Variants in DPP6 observed in about 807,000 individuals in gnomAD.
DPP6 encodes A-type potassium channel modulatory protein DPP6.
In DPP6, 69 loss-of-function variants were observed where a neutral mutation model predicts 122.6. The ratio of observed to expected loss-of-function variants is 0.56; its 90% CI spans 0.46 to 0.69. The LOEUF (loss-of-function observed/expected upper bound fraction) is 0.69, where lower values mean the gene tolerates loss of function less well. Ranked by LOEUF, DPP6 falls within the 30% of genes least tolerant of loss-of-function variation. DPP6 has a pLI of 0.00. For missense variants in DPP6, 928 were observed against 1,116.9 expected, an observed-to-expected ratio of 0.83 and a Z score of 2.41; for synonymous variants, 418 against 433.1, an observed-to-expected ratio of 0.97 and a Z score of 0.43.
At chr7:154,261,377 C>G in intron 1 of DPP6, among the ~76,000 whole-genome samples, 1 of 152,176 alleles carries the variant, frequency 6.6e-6, no homozygotes. Flanking sequence ...TCACCTTATA[C>G]AGAAATCAAT....
the DPP6 span, among the ~76,000 whole-genome samples, chr7:153,846,620 T>A: frequency 6.6e-6 from 1 of 151,952 alleles, no homozygotes; most frequent in Admixed American, 6.6e-5. Flanking sequence ...TCTATTCTTC[T>A]TCTGCAATTC....
chr7:154,499,565 A>T (rs774851709), intron 3 of DPP6, among the ~76,000 whole-genome samples: 1 of 152,140 alleles, frequency 6.6e-6, no homozygotes. Context: ...ATATTTTTTA[A>T]TGTTTTATAG....
chr7:154,314,467 CT>C (rs1249740587), intron 1 of DPP6, among the ~76,000 whole-genome samples: 2 of 152,190 alleles, frequency 1.3e-5, no homozygotes, highest in African/African-American at 2.4e-5. Flanking sequence ...CTTATAGCCC[CT>C]CTTGCCCAGT....
At chr7:154,202,815 A>T (rs563958945) in intron 1 of DPP6, among the ~76,000 whole-genome samples, 1 of 152,158 alleles carries the variant, frequency 6.6e-6, no homozygotes, top group Non-Finnish European at 1.5e-5. Context: ...CAAATAACAA[A>T]GGCATTTTGT....
intron 1 of DPP6, among the ~76,000 whole-genome samples, chr7:154,359,187 C>G (rs1004678358): frequency 6.6e-6 from 1 of 152,186 alleles, no homozygotes; most frequent in African/African-American, 2.4e-5. Flanking sequence ...CACTCTGGGA[C>G]AAGCCCCCTG....
intron 1 of DPP6, among the ~76,000 whole-genome samples, chr7:153,979,010 T>C (rs1228749040): frequency 6.6e-6 from 1 of 152,104 alleles, no homozygotes; most frequent in Non-Finnish European, 1.5e-5. Context: ...TGCTTAGGAT[T>C]GTCTTGGCTA....
intron 21 of DPP6, chr7:154,884,254 A>G (rs1351452278): frequency 1.3e-5 from 2 of 149,638 alleles, no homozygotes; most frequent in African/African-American, 5.0e-5. Flanking sequence ...CACAAATTAC[A>G]TACACATGCT....
At chr7:154,137,918 C>T (rs1795658588) in intron 1 of DPP6, among the ~76,000 whole-genome samples, 1 of 152,126 alleles carries the variant, frequency 6.6e-6, no homozygotes, top group Non-Finnish European at 1.5e-5. Flanking sequence ...GCCACCCTTG[C>T]CTCAACTCAT....
At chr7:154,073,006 A>G (rs1267318660) in intron 1 of DPP6, among the ~76,000 whole-genome samples, 3 of 152,192 alleles carry the variant, frequency 2.0e-5, no homozygotes, top group Non-Finnish European at 4.4e-5. Flanking sequence ...TCCAGGGTTC[A>G]TCCACCCTCC....
rs1162220684 is a variant in DPP6, at chr7:154,607,561, CAAAAAA to C, written c.628-30238_628-30233del. ...TGGGCGACAGAGCAAGACTCTGTCT[CAAAAAA>C]AAAAAAAAAAAAAAAAAAAAAGGAA... On this transcript the variant is annotated intron_variant, in intron 5 of 25. Transcript: ENST00000377770. Among the ~76,000 whole-genome samples, 77 of 22,378 alleles carry C rather than the reference CAAAAAA, an allele frequency of 3.4e-3. 1 individual carries two copies. The highest frequency in any genetic ancestry group is 0.01 in the African/African-American group (71 of 6,952). The allele number at this position is 22,378 out of a possible 152,430, so 14.7% of individuals were successfully genotyped here.
At chr7:154,218,450 C>T (rs1800125923) in intron 1 of DPP6, among the ~76,000 whole-genome samples, 2 of 152,148 alleles carry the variant, frequency 1.3e-5, no homozygotes, top group South Asian at 2.1e-4. Context: ...CTGCACATGT[C>T]GTTGTCACCT....
At chr7:153,924,355 C>T (rs1800790395) in intron 1 of DPP6, among the ~76,000 whole-genome samples, 1 of 152,142 alleles carries the variant, frequency 6.6e-6, no homozygotes, top group African/African-American at 2.4e-5. Context: ...GATCTGCCTG[C>T]CTCAGCCTCC....
intron 1 of DPP6, among the ~76,000 whole-genome samples, chr7:154,244,623 A>G (rs1392078341): frequency 6.6e-6 from 1 of 152,174 alleles, no homozygotes; most frequent in Non-Finnish European, 1.5e-5. Flanking sequence ...TTGATATAAT[A>G]TTGACTGTAT....
At chr7:154,406,284 T>C (rs1306825366) in intron 1 of DPP6, among the ~76,000 whole-genome samples, 2 of 152,228 alleles carry the variant, frequency 1.3e-5, no homozygotes, top group African/African-American at 2.4e-5. Context: ...CATTCTCTTT[T>C]ATTAAACACA....
chr7:154,761,429 G>C (rs1037349049), intron 8 of DPP6, among the ~76,000 whole-genome samples: 3 of 152,240 alleles, frequency 2.0e-5, no homozygotes, highest in African/African-American at 7.2e-5. Flanking sequence ...ACCCAAGCAA[G>C]AGAGAGCCAG....
At chr7:154,626,765 A>T (rs1273735490) in intron 5 of DPP6, among the ~76,000 whole-genome samples, 3 of 152,114 alleles carry the variant, frequency 2.0e-5, no homozygotes, top group African/African-American at 7.2e-5. Flanking sequence ...TTTGTCCATT[A>T]TTTTTGTGTT....
At chr7:154,669,628 T>C (rs1336701790) in intron 7 of DPP6, among the ~76,000 whole-genome samples, 187 bp downstream of exon 7, 3 of 152,176 alleles carry the variant, frequency 2.0e-5, no homozygotes, top group Admixed American at 1.3e-4. Context: ...CATTTCTTTT[T>C]AGATAGCAAA....
chr7:154,885,739 T>C lies in DPP6; in HGVS notation c.2240T>C (p.Leu747Pro). The C allele has an allele frequency of 6.3e-7, 1 of 1,590,342 alleles. No individual in the cohort carries two copies. Among genetic ancestry groups the C allele is most frequent in the Non-Finnish European group, 8.6e-7 (1 of 1,168,462 alleles). Reference protein sequence around the residue: ...SALSPITDFKLYASAFSERYL... With the variant: ...SALSPITDFKPYASAFSERYL... ...CTCTCTCCAATAACAGACTTCAAAC[T>C]CTATGGTAAATAGCCCTGCAGGACC... The change falls in exon 22 of 26, where the codon CTC (leucine) becomes CCC (proline). Residue 747 changes from leucine (L) to proline (P), a missense_variant. Coordinates refer to ENST00000377770, the MANE Select transcript of DPP6 (RefSeq NM_130797.4).
chr7:154,221,356 G>A (rs1371094014), intron 1 of DPP6, among the ~76,000 whole-genome samples: 1 of 152,088 alleles, frequency 6.6e-6, no homozygotes, highest in South Asian at 2.1e-4. Context: ...GGCCAGGCTG[G>A]TCTCAAACTC....
Sources: allele counts gnomAD v4.1 joint callset (sites outside exome capture counted in the v4.1 genomes callset), GRCh38; gene constraint gnomAD v4.1.1; transcripts MANE v1.5; gene names NCBI Gene and HGNC (gene_info 2026-07-23, HGNC 2026-07-21).